The following ADGRE2 variants were observed in gnomAD, a reference collection of about 807,000 sequenced individuals.
ADGRE2 encodes the protein CD97 antigen.
In ADGRE2, 83 loss-of-function variants were observed where a neutral mutation model predicts 100.8. The observed-to-expected ratio is 0.82, with a 90% CI of 0.69 to 0.99. The LOEUF (loss-of-function observed/expected upper bound fraction) is 0.99. Ranked by LOEUF, ADGRE2 falls within the 50% of genes least tolerant of loss-of-function variation. The pLI, the probability that ADGRE2 is intolerant of heterozygous loss-of-function variation, is 0.00. For synonymous variants in ADGRE2, 355 were observed against 413.0 expected (o/e 0.86, Z 1.70); for missense variants, 814 against 1,035.7 (o/e 0.79, Z 2.94).
intron 11 of ADGRE2, among the ~76,000 whole-genome samples, chr19:14,763,156 A>T (rs964461733): frequency 6.6e-6 from 1 of 152,124 alleles, no homozygotes; most frequent in Non-Finnish European, 1.5e-5. Flanking sequence ...ATCCTGGCTA[A>T]CACGGTGCAA....
Position 14,777,826 on chromosome 19 carries a change from A to G in ADGRE2, c.-172+431T>C, listed in dbSNP as rs376030779. Reference sequence around the variant, plus strand: ...GTGTCCCTGCAAAGGACATGAACTCATCCTTTTTTATAGCTGCATAGTATT... The same window carrying G: ...GTGTCCCTGCAAAGGACATGAACTCGTCCTTTTTTATAGCTGCATAGTATT... On this transcript the variant is annotated intron_variant, in intron 1 of 20. Coordinates refer to ENST00000315576, the MANE Select transcript of ADGRE2 (RefSeq NM_013447.4). 7.9e-5 allele frequency among the ~76,000 whole-genome samples: 12 copies of G among 152,242 alleles called. No homozygotes were observed. The East Asian group carries it at 1.7e-3, about 22-fold the overall frequency.
rs1170643048 is a variant in ADGRE2 at position 14,774,688 on chromosome 19, T to TTCTTTCTTTC, written c.32-383_32-382insGAAAGAAAGA. 1.4e-3 allele frequency among the ~76,000 whole-genome samples: 199 copies of TTCTTTCTTTC among 137,498 alleles called. 2 individuals carry two copies. Among genetic ancestry groups the TTCTTTCTTTC allele is most frequent in the African/African-American group, 5.1e-3 (190 of 37,550 alleles). 90.2% of individuals were successfully genotyped at this position (137,498 alleles called of 152,430 possible). ...CATATTTTAAATTTTCTTTCTTTCT[T>TTCTTTCTTTC]TTTGAGACAGGGTCTTGCTCTGTCG... On this transcript the variant is annotated intron_variant, in intron 2 of 20. Transcript: ENST00000315576.
At chr19:14,760,653 C>A (rs1167615766) in intron 11 of ADGRE2, among the ~76,000 whole-genome samples, 1 of 152,118 alleles carries the variant, frequency 6.6e-6, no homozygotes, top group Admixed American at 6.6e-5. Context: ...TCCCGCCCCC[C>A]TCAAAACCAT....
chr19:14,774,168 C>T, intron 3 of ADGRE2, 88 bp downstream of exon 3: 1 of 1,521,798 alleles, frequency 6.6e-7, no homozygotes, highest in Non-Finnish European at 9.1e-7. Context: ...CCCTCTCTTT[C>T]CCTGGGCTGA....
intron 11 of ADGRE2, among the ~76,000 whole-genome samples, chr19:14,757,938 G>A (rs1335934682): frequency 1.3e-5 from 2 of 152,166 alleles, no homozygotes; most frequent in Non-Finnish European, 2.9e-5. Context: ...TGAGTAGCTA[G>A]GATTACAGTC....
intron 14 of ADGRE2, among the ~76,000 whole-genome samples, chr19:14,753,329 C>G (rs532723713): frequency 1.3e-5 from 2 of 152,094 alleles, no homozygotes; most frequent in African/African-American, 4.8e-5. Flanking sequence ...CTGCCGCTTA[C>G]AGGCTGGGGT....
intron 1 of ADGRE2, chr19:14,777,162 C>A: frequency 2.1e-6 from 2 of 932,754 alleles, no homozygotes; most frequent in Non-Finnish European, 2.6e-6. Flanking sequence ...CCGGGCGGGG[C>A]GGTCTCGCCT....
At chr19:14,727,249 C>T in the ADGRE2 span, among the ~76,000 whole-genome samples, 57 of 152,174 alleles carry the variant, frequency 3.7e-4, no homozygotes, top group Non-Finnish European at 6.0e-4. Context: ...AGGATGGTCT[C>T]GATCTCCTGA....
At chr19:14,777,823 C>A (rs2031404365) in intron 1 of ADGRE2, among the ~76,000 whole-genome samples, 1 of 152,130 alleles carries the variant, frequency 6.6e-6, no homozygotes, top group African/African-American at 2.4e-5. Context: ...AGGACATGAA[C>A]TCATCCTTTT....
chr19:14,768,094 T>C (rs916055216), intron 5 of ADGRE2, among the ~76,000 whole-genome samples: 2 of 152,226 alleles, frequency 1.3e-5, no homozygotes, highest in African/African-American at 4.8e-5. Flanking sequence ...GTGGCCTTGA[T>C]TTCCCCAGGA....
intron 14 of ADGRE2, 78 bp from the exon 15 acceptor site, chr19:14,752,604 T>C: frequency 3.3e-6 from 5 of 1,508,458 alleles, no homozygotes; most frequent in Non-Finnish European, 4.5e-6. Context: ...TTAAAATTTT[T>C]ACTTTGGCAT....
chr19:14,777,243 G>A (rs1051167723), intron 1 of ADGRE2, among the ~76,000 whole-genome samples: 6 of 152,202 alleles, frequency 3.9e-5, no homozygotes, highest in East Asian at 1.9e-4. Flanking sequence ...CTCCCACTTT[G>A]GTAGGGCTCA....
At chr19:14,730,180 G>A (rs1415772879), downstream of ADGRE2, among the ~76,000 whole-genome samples, 1 of 152,212 alleles carries the variant, frequency 6.6e-6, no homozygotes, top group East Asian at 1.9e-4. Flanking sequence ...GCAGCCTCCT[G>A]AGTAGCTGGG....
At chr19:14,748,219 G>A (rs2043150567) in intron 16 of ADGRE2, among the ~76,000 whole-genome samples, 1 of 152,182 alleles carries the variant, frequency 6.6e-6, no homozygotes. Context: ...TTATAAGTGA[G>A]AACATGCGGT....
intron 1 of ADGRE2, among the ~76,000 whole-genome samples, chr19:14,777,633 A>G (rs770119319): frequency 1.8e-4 from 27 of 151,678 alleles, no homozygotes; most frequent in Non-Finnish European, 2.6e-4. Context: ...TCCTAATGCA[A>G]TCCCTCCCCC....
rs767417754 is a variant in ADGRE2, at chr19:14,755,624, C to G, written c.1416+30G>C. On this transcript the variant is annotated intron_variant, in intron 13 of 20. Transcript: ENST00000315576. ...AGGCTATGCCCGGACTCAGACTATT[C>G]ACCCACCAACCAACTCCACCAGCAC... 1.7e-5 allele frequency: 27 copies of G among 1,599,188 alleles called. No individual in the cohort carries two copies. In the South Asian group the frequency reaches 2.8e-4, roughly 16 times the overall value.
chr19:14,777,081 A>G, intron 1 of ADGRE2, 154 bp from the exon 2 acceptor site: 3 of 985,208 alleles, frequency 3.0e-6, no homozygotes, highest in Non-Finnish European at 3.6e-6. Context: ...AGTTTCCACC[A>G]TGTGGCTCTG....
chr19:14,772,519 G>A, intron 4 of ADGRE2, 22 bp from the exon 5 acceptor site: 1 of 1,612,464 alleles, frequency 6.2e-7, no homozygotes, highest in Non-Finnish European at 8.5e-7. Context: ...CAGGACAGGA[G>A]GTCATCTCCC....
intron 4 of ADGRE2, among the ~76,000 whole-genome samples, chr19:14,773,020 G>A (rs990151524): frequency 1.4e-4 from 21 of 146,946 alleles, no homozygotes; most frequent in African/African-American, 3.8e-4. Flanking sequence ...TGGAGGTTGC[G>A]GTGAGCCGAG....
Sources: allele counts gnomAD v4.1 joint callset (sites outside exome capture counted in the v4.1 genomes callset), GRCh38; gene constraint gnomAD v4.1.1; transcripts MANE v1.5; gene names NCBI Gene and HGNC (gene_info 2026-07-23, HGNC 2026-07-21).